ZFHX3: variants seen among roughly 807,000 people sequenced by gnomAD.
The protein encoded by ZFHX3 is zinc finger homeobox 3.
A neutral mutation model predicts 279.1 loss-of-function variants in ZFHX3; 42 were observed. The observed-to-expected ratio is 0.15, with a 90% confidence interval of 0.12 to 0.19. ZFHX3 has a LOEUF of 0.19. ZFHX3 is among the 10% of genes least tolerant of loss of function. The pLI is 1.00. For missense variants in ZFHX3, 4,981 were observed against 4,754.0 expected (o/e 1.05, Z -1.40); for synonymous variants, 2,293 against 1,957.8 (o/e 1.17, Z -4.52).
chr16:73,120,805 C>A (rs945760015), intron 7 of ZFHX3, among the ~76,000 whole-genome samples: 4 of 152,098 alleles, frequency 2.6e-5, no homozygotes, highest in Admixed American at 2.6e-4. Context: ...CAGGTGTGTG[C>A]TACCACGCCC....
rs894304293 is a variant in ZFHX3, at chr16:73,633,054, G to T, written c.-1547+47126C>A. On this transcript the variant is annotated intron_variant, in intron 2 of 17. Transcript: ENST00000641206. ...GGATCGCACCACTGCACTCTAGGCT[G>T]GACAACAAAGCGAGACTCCGTCTCA... 1.5e-4 allele frequency among the ~76,000 whole-genome samples: 23 copies of T among 152,164 alleles called. 1 individual carries two copies.
chr16:72,987,245 C>A (rs1962887432), intron 1 of ZFHX3, among the ~76,000 whole-genome samples: 1 of 152,206 alleles, frequency 6.6e-6, no homozygotes, highest in Admixed American at 6.5e-5. Context: ...ATCCCTCACT[C>A]AACTCTCATA....
chr16:73,582,508 C>G (rs1158185420), intron 2 of ZFHX3, among the ~76,000 whole-genome samples: 2 of 151,822 alleles, frequency 1.3e-5, no homozygotes, highest in South Asian at 2.1e-4. Flanking sequence ...GAGTTTCACT[C>G]TTGTCACCCA....
intron 3 of ZFHX3, among the ~76,000 whole-genome samples, chr16:73,419,417 T>C (rs2017670781): frequency 6.6e-6 from 1 of 152,200 alleles, no homozygotes; most frequent in African/African-American, 2.4e-5. Context: ...TGACTGTATG[T>C]AACATTCCTT....
chr16:73,349,609 A>C lies in ZFHX3; in HGVS notation c.-1290-31273T>G, dbSNP rs866220363. On this transcript the variant is annotated intron_variant, in intron 3 of 17. Coordinates refer to the ZFHX3 transcript ENST00000641206. ...ATCGCTTTACCTCTCTCTCTCCCTTACTTCCTCCCTCCCTTCCTCCCTCCC... is the reference window on the plus strand; with the variant it reads ...ATCGCTTTACCTCTCTCTCTCCCTTCCTTCCTCCCTCCCTTCCTCCCTCCC... Among the ~76,000 whole-genome samples the C allele has an allele frequency of 3.5e-4, 42 of 119,202 alleles. 1 individual carries two copies. Among genetic ancestry groups the C allele is most frequent in the African/African-American group, 1.7e-3 (38 of 21,908 alleles). The allele number at this position is 119,202 out of a possible 152,430, so 78.2% of individuals were successfully genotyped here.
chr16:73,313,862 C>T (rs1295396005), intron 4 of ZFHX3, among the ~76,000 whole-genome samples: 1 of 152,176 alleles, frequency 6.6e-6, no homozygotes, highest in Admixed American at 6.5e-5. Context: ...AATCCCAACA[C>T]TTTGGGAGGC....
At chr16:73,873,679 A>C (rs1362667524) in intron 1 of ZFHX3, among the ~76,000 whole-genome samples, 4 of 152,226 alleles carry the variant, frequency 2.6e-5, no homozygotes, top group African/African-American at 9.6e-5. Context: ...AAAGTTAAAT[A>C]TACATGGAAA....
intron 3 of ZFHX3, among the ~76,000 whole-genome samples, chr16:73,386,629 C>T (rs1046258280): frequency 3.3e-5 from 5 of 151,934 alleles, no homozygotes; most frequent in South Asian, 2.1e-4. Flanking sequence ...TCAGCCTCAG[C>T]GACAGACCTA....
chr16:73,639,228 C>CAA (rs2052553222), intron 2 of ZFHX3, among the ~76,000 whole-genome samples: 2 of 152,182 alleles, frequency 1.3e-5, no homozygotes, highest in African/African-American at 4.8e-5. Flanking sequence ...GCAGCATTTG[C>CAA]TGCTGTGGTC....
chr16:73,485,596 C>A (rs561580680), intron 2 of ZFHX3, among the ~76,000 whole-genome samples: 81 of 152,234 alleles, frequency 5.3e-4, no homozygotes, highest in African/African-American at 1.7e-3. Context: ...CCTGCTCGAC[C>A]TTTCTCTCTT....
At chr16:73,057,910 C>T (rs1965595877) in intron 1 of ZFHX3, among the ~76,000 whole-genome samples, 1 of 148,604 alleles carries the variant, frequency 6.7e-6, no homozygotes, top group Admixed American at 6.7e-5. Flanking sequence ...GGCGACTGCT[C>T]CGGGCCGGGT....
At chr16:73,454,258 A>G (rs893788539) in intron 3 of ZFHX3, among the ~76,000 whole-genome samples, 1 of 152,172 alleles carries the variant, frequency 6.6e-6, no homozygotes, top group African/African-American at 2.4e-5. Flanking sequence ...CTTTGTCTCA[A>G]TCTTGGGTAC....
intron 7 of ZFHX3, among the ~76,000 whole-genome samples, chr16:73,105,370 C>T (rs868591717): frequency 2.7e-5 from 3 of 112,496 alleles, no homozygotes; most frequent in African/African-American, 7.5e-5. Flanking sequence ...TATATACACA[C>T]ATATATATAT....
chr16:73,271,448 A>G (rs1046804805), intron 4 of ZFHX3, among the ~76,000 whole-genome samples: 3 of 152,206 alleles, frequency 2.0e-5, no homozygotes, highest in Admixed American at 2.0e-4. Flanking sequence ...GGGGCAGCAC[A>G]GCAAGCTGTC....
At chr16:72,831,814 G>A (rs769009007) in intron 4 of ZFHX3, among the ~76,000 whole-genome samples, 24 of 152,132 alleles carry the variant, frequency 1.6e-4, no homozygotes, top group Admixed American at 7.2e-4. Context: ...CCCAATACAT[G>A]CTGTGATACA....
At chr16:73,037,394 C>A (rs1268113472) in intron 1 of ZFHX3, among the ~76,000 whole-genome samples, 2 of 152,196 alleles carry the variant, frequency 1.3e-5, no homozygotes, top group Admixed American at 6.5e-5. Flanking sequence ...TCCCACTGCT[C>A]ATCTGTCGTC....
intron 4 of ZFHX3, among the ~76,000 whole-genome samples, chr16:72,880,361 T>A (rs1318627363): frequency 6.6e-6 from 1 of 152,156 alleles, no homozygotes; most frequent in Non-Finnish European, 1.5e-5. Flanking sequence ...GAGACAGGAC[T>A]TTTAAGGAGG....
intron 5 of ZFHX3, among the ~76,000 whole-genome samples, chr16:73,187,780 G>A (rs893439827): frequency 4.6e-5 from 7 of 152,188 alleles, no homozygotes; most frequent in Non-Finnish European, 1.0e-4. Flanking sequence ...AACTGTTGGC[G>A]TGGTTTCTAC....
At chr16:73,259,451 C>T (rs370320549) in intron 4 of ZFHX3, among the ~76,000 whole-genome samples, 35 of 152,320 alleles carry the variant, frequency 2.3e-4, no homozygotes, top group Non-Finnish European at 3.2e-4. Flanking sequence ...TTACTGTCTA[C>T]GCTTCTTGAA....
Sources: gnomAD v4.1 joint callset for allele counts (sites outside exome capture counted in the v4.1 genomes callset) on GRCh38, gnomAD v4.1.1 for gene constraint, MANE v1.5 for transcripts, NCBI Gene and HGNC (gene_info 2026-07-23, HGNC 2026-07-21) for gene names.